HDHD2: variants seen among roughly 807,000 people sequenced by gnomAD.
The protein encoded by HDHD2 is haloacid dehalogenase like hydrolase domain containing 2, also known as haloacid dehalogenase-like hydrolase domain-containing protein 2.
Under a neutral mutation model 24.8 loss-of-function variants are expected in HDHD2, and 26 were observed. The ratio of observed to expected loss-of-function variants is 1.05; its 90% CI spans 0.77 to 1.45. The LOEUF is 1.45. HDHD2 is among the 40% of genes most tolerant of loss of function. The pLI, the probability that HDHD2 is intolerant of heterozygous loss-of-function variation, is 0.00. For missense variants in HDHD2, 299 were observed against 313.4 expected (o/e 0.95, Z 0.35); for synonymous variants, 128 against 114.9 (o/e 1.11, Z -0.73).
chr18:47,129,419 T>C (rs1461493529), intron 4 of HDHD2, among the ~76,000 whole-genome samples: 3 of 152,030 alleles, frequency 2.0e-5, no homozygotes, highest in Admixed American at 6.6e-5. Flanking sequence ...AGACCAAACC[T>C]AAACTCATCA....
intron 1 of HDHD2, among the ~76,000 whole-genome samples, chr18:47,147,615 T>A (rs1338549001): frequency 9.8e-5 from 15 of 152,300 alleles, no homozygotes; most frequent in Admixed American, 6.5e-5. Context: ...CTGAAGGTGA[T>A]TAAAGAACAA....
chr18:47,139,110 C>T (rs1038399709), intron 1 of HDHD2, among the ~76,000 whole-genome samples: 6 of 152,194 alleles, frequency 3.9e-5, no homozygotes, highest in African/African-American at 9.6e-5. Context: ...GGGGACTCTT[C>T]CAGACCTTGC....
chr18:47,148,673 C>G (rs950217347), intron 1 of HDHD2, among the ~76,000 whole-genome samples: 1 of 152,220 alleles, frequency 6.6e-6, no homozygotes, highest in Non-Finnish European at 1.5e-5. Flanking sequence ...CACCATCAAT[C>G]CAGACACCAA....
chr18:47,145,960 A>G (rs547966780), intron 1 of HDHD2, among the ~76,000 whole-genome samples: 1 of 152,134 alleles, frequency 6.6e-6, no homozygotes, highest in African/African-American at 2.4e-5. Context: ...GGCCGGGCAC[A>G]GTGGCTCATG....
At chr18:47,144,698 C>G (rs2063851044) in intron 1 of HDHD2, among the ~76,000 whole-genome samples, 1 of 150,260 alleles carries the variant, frequency 6.7e-6, no homozygotes, top group South Asian at 2.1e-4. Context: ...ACTTGGGAGG[C>G]TAAGGTGGGA....
chr18:47,127,927 T>C (rs1448980960), intron 4 of HDHD2, among the ~76,000 whole-genome samples: 1 of 152,216 alleles, frequency 6.6e-6, no homozygotes, highest in Non-Finnish European at 1.5e-5. Flanking sequence ...ATGTTTATTG[T>C]CATTATCAGC....
At chr18:47,137,376 C>T (rs185418811) in intron 1 of HDHD2, 4 of 308,648 alleles carry the variant, frequency 1.3e-5, no homozygotes, top group East Asian at 1.7e-4. Flanking sequence ...CAGAAAATGG[C>T]GATTTGATTC....
At position 47,107,550 on chromosome 18, in the gene HDHD2, T is replaced by G. The variant is rs2063484991; in HGVS notation, c.*1132A>C. 2 of 152,624 alleles carry G rather than the reference T, an allele frequency of 1.3e-5. No homozygotes were observed. Among genetic ancestry groups the G allele is most frequent in the African/African-American group, 4.8e-5 (2 of 41,460 alleles). 9.5% of individuals were successfully genotyped at this position (152,624 alleles called of 1,614,324 possible). A position where few individuals can be genotyped will look rare whatever the true frequency, so the allele number is the denominator to read the frequency against. The stretch of plus-strand genomic sequence containing the variant: ...ACTACAATGATGTACAATTACATCC[T>G]AATAATTCAATGCCCAAGAGCCCTG... On this transcript the variant is annotated 3_prime_UTR_variant, in exon 7 of 7. Transcript: ENST00000300605.
chr18:47,143,691 T>C (rs138530596), intron 1 of HDHD2, among the ~76,000 whole-genome samples: 271 of 152,290 alleles, frequency 1.8e-3, no homozygotes, highest in South Asian at 0.012. Context: ...AACCAATGGC[T>C]CCATTTTATT....
intron 6 of HDHD2, chr18:47,111,271 C>T: frequency 8.1e-6 from 8 of 984,382 alleles, no homozygotes; most frequent in Non-Finnish European, 9.6e-6. Context: ...CAATAGACGA[C>T]AGAGCCAGTG....
intron 4 of HDHD2, among the ~76,000 whole-genome samples, chr18:47,125,731 G>A (rs1038175110): frequency 6.6e-6 from 1 of 152,192 alleles, no homozygotes; most frequent in Admixed American, 6.5e-5. Flanking sequence ...TGGGGAAGGA[G>A]TGGTAGTGAC....
At chr18:47,132,644 A>G (rs2144346561) in intron 3 of HDHD2, among the ~76,000 whole-genome samples, 1 of 152,250 alleles carries the variant, frequency 6.6e-6, no homozygotes, top group African/African-American at 2.4e-5. Context: ...CATATTTCCT[A>G]TTAGTACTAG....
chr18:47,112,944 T>C, intron 6 of HDHD2, 33 bp downstream of exon 6: 8 of 1,574,476 alleles, frequency 5.1e-6, no homozygotes, highest in Non-Finnish European at 7.0e-6. Flanking sequence ...TACTATTCTG[T>C]TTTAGAAAAT....
chr18:47,148,387 C>G (rs1386557076), intron 1 of HDHD2, among the ~76,000 whole-genome samples: 1 of 152,308 alleles, frequency 6.6e-6, no homozygotes, highest in Middle Eastern at 3.4e-3. Flanking sequence ...ACTATAAAGG[C>G]TTCAAAGGTA....
chr18:47,111,379 A>AAAAG lies in HDHD2; in HGVS notation c.676+1594_676+1597dup, dbSNP rs556650518. The AAAAG allele has an allele frequency of 2.7e-4, 260 of 974,188 alleles. 1 individual carries two copies. In the African/African-American group the frequency reaches 3.5e-3, roughly 13 times the overall value. The allele number at this position is 974,188 out of a possible 1,614,324, so 60.3% of individuals were successfully genotyped here. A position where few individuals can be genotyped will look rare whatever the true frequency, so the allele number is the denominator to read the frequency against. On this transcript the variant is annotated intron_variant, in intron 6 of 6. Coordinates refer to ENST00000300605, the MANE Select transcript of HDHD2 (RefSeq NM_032124.5). The stretch of plus-strand genomic sequence containing the variant: ...TAATTACATGAGCTAAAAAAAAAAA[A>AAAAG]AAAGAAAGAAAGAAAGAAAGAAATA...
In HDHD2 at chr18:47,134,587, G is replaced by C. The variant is rs2063745467; in HGVS notation, c.219C>G (p.Phe73Leu). The C allele has an allele frequency of 6.2e-7, 1 of 1,613,988 alleles. No individual in the cohort carries two copies. Among genetic ancestry groups the C allele is most frequent in the Non-Finnish European group, 8.5e-7 (1 of 1,179,864 alleles). The change falls in exon 3 of 7, where the codon TTC becomes TTG. Residue 73 changes from phenylalanine to leucine, a missense_variant. Coordinates refer to ENST00000300605, the MANE Select transcript of HDHD2 (RefSeq NM_032124.5). ...LEFDISEDEI[F>L]TSLTAARSLL... ...AACTTCTGGCTGCAGTCAGAGATGT[G>C]AATATTTCATCTTCAGAGATATCAA...
intron 1 of HDHD2, chr18:47,149,250 T>C (rs1325730020): frequency 6.6e-6 from 1 of 152,188 alleles, no homozygotes; most frequent in Non-Finnish European, 1.5e-5. Flanking sequence ...TTATGGCATA[T>C]TATTCAAAAC....
At chr18:47,135,829 T>C (rs1373965677) in intron 2 of HDHD2, among the ~76,000 whole-genome samples, 1 of 152,196 alleles carries the variant, frequency 6.6e-6, no homozygotes, top group Non-Finnish European at 1.5e-5. Context: ...TTGTGGTTGG[T>C]ACATGAGAAA....
intron 4 of HDHD2, among the ~76,000 whole-genome samples, chr18:47,124,775 T>C (rs1283536484): frequency 7.4e-6 from 1 of 135,438 alleles, no homozygotes; most frequent in Non-Finnish European, 1.6e-5. Flanking sequence ...TCAGAAAACG[T>C]AAAAGATTTG....
Sources: allele counts gnomAD v4.1 joint callset (sites outside exome capture counted in the v4.1 genomes callset), GRCh38; gene constraint gnomAD v4.1.1; transcripts MANE v1.5; gene names NCBI Gene and HGNC (gene_info 2026-07-23, HGNC 2026-07-21).